Variants in OPCML observed in about 807,000 individuals in gnomAD.
OPCML encodes the protein opioid binding protein/cell adhesion molecule like.
In OPCML, 13 loss-of-function variants were observed where a neutral mutation model predicts 37.8. That is an observed-to-expected ratio of 0.34 (90% confidence interval 0.22 to 0.55). OPCML has a LOEUF of 0.55. Ranked by LOEUF, OPCML falls within the 20% of genes least tolerant of loss-of-function variation. The pLI, the probability that OPCML is intolerant of heterozygous loss-of-function variation, is 0.91. For synonymous variants in OPCML, 176 were observed against 168.8 expected, an observed-to-expected ratio of 1.04 and a Z score of -0.33; for missense variants, 341 against 435.6, an observed-to-expected ratio of 0.78 and a Z score of 1.93.
chr11:132,829,236 T>C (rs1940543212), intron 2 of OPCML, among the ~76,000 whole-genome samples: 1 of 152,224 alleles, frequency 6.6e-6, no homozygotes, highest in Non-Finnish European at 1.5e-5. Context: ...CGTACTGTGC[T>C]AACTCAAACG....
chr11:132,658,894 G>A (rs1941829524), intron 2 of OPCML, among the ~76,000 whole-genome samples: 1 of 152,126 alleles, frequency 6.6e-6, no homozygotes, highest in South Asian at 2.1e-4. Flanking sequence ...AGCTTGTGCT[G>A]ATTTGCTTTC....
At chr11:133,387,431 A>T (rs1484988805) in intron 1 of OPCML, among the ~76,000 whole-genome samples, 1 of 152,128 alleles carries the variant, frequency 6.6e-6, no homozygotes, top group East Asian at 1.9e-4. Context: ...GCACACAAAG[A>T]TCTCCCTGGA....
At chr11:132,680,927 C>G (rs1384474971) in intron 2 of OPCML, among the ~76,000 whole-genome samples, 1 of 152,212 alleles carries the variant, frequency 6.6e-6, no homozygotes, top group Non-Finnish European at 1.5e-5. Flanking sequence ...CATCTTTTCT[C>G]AGGCAAGCAT....
chr11:133,325,405 T>C (rs1046199065), intron 1 of OPCML, among the ~76,000 whole-genome samples: 4 of 152,192 alleles, frequency 2.6e-5, no homozygotes, highest in Non-Finnish European at 5.9e-5. Flanking sequence ...GCTTGTTAAC[T>C]TCAACTAGCA....
At chr11:133,001,259 C>T (rs922781202) in intron 1 of OPCML, among the ~76,000 whole-genome samples, 4 of 152,076 alleles carry the variant, frequency 2.6e-5, no homozygotes, top group African/African-American at 9.7e-5. Context: ...GTTTACTACC[C>T]ACATGCCTAC....
chr11:133,319,332 C>T (rs2136616658), intron 1 of OPCML, among the ~76,000 whole-genome samples: 1 of 152,296 alleles, frequency 6.6e-6, no homozygotes, highest in East Asian at 1.9e-4. Flanking sequence ...AGTACTGCCT[C>T]TGAACTGACC....
At chr11:132,502,135 G>T (rs145412624) in intron 4 of OPCML, among the ~76,000 whole-genome samples, 1 of 152,216 alleles carries the variant, frequency 6.6e-6, no homozygotes, top group East Asian at 1.9e-4. Context: ...TTTCCCAGAG[G>T]ATCTGTCACC....
chr11:132,578,711 A>G (rs570590368), intron 3 of OPCML, among the ~76,000 whole-genome samples: 1 of 152,362 alleles, frequency 6.6e-6, no homozygotes, highest in South Asian at 2.1e-4. Context: ...AGAAAACAAC[A>G]GTGCTCATCT....
At chr11:133,493,552 C>A (rs1947712818) in intron 1 of OPCML, among the ~76,000 whole-genome samples, 1 of 151,938 alleles carries the variant, frequency 6.6e-6, no homozygotes, top group Non-Finnish European at 1.5e-5. Context: ...TTCTTAATAA[C>A]CATTATTCCA....
intron 1 of OPCML, among the ~76,000 whole-genome samples, chr11:133,398,538 C>T (rs536510201): frequency 3.4e-4 from 51 of 152,112 alleles, no homozygotes; most frequent in Non-Finnish European, 6.0e-4. Flanking sequence ...AAAGACTTTT[C>T]GCTAATATTG....
intron 1 of OPCML, among the ~76,000 whole-genome samples, chr11:132,962,716 C>T (rs1211769095): frequency 6.6e-6 from 1 of 152,204 alleles, no homozygotes; most frequent in Admixed American, 6.5e-5. Flanking sequence ...GAGCCCTCCT[C>T]TGGGAAAGAA....
chr11:133,364,742 C>A (rs534146272), intron 1 of OPCML, among the ~76,000 whole-genome samples: 1 of 152,122 alleles, frequency 6.6e-6, no homozygotes, highest in Non-Finnish European at 1.5e-5. Flanking sequence ...TCTTAGAATA[C>A]TGCCTGGCAC....
chr11:132,550,458 G>A (rs548436718), intron 3 of OPCML, among the ~76,000 whole-genome samples: 3 of 152,284 alleles, frequency 2.0e-5, no homozygotes, highest in Non-Finnish European at 4.4e-5. Flanking sequence ...GCCACGTGAA[G>A]TGCTCGGGCT....
At chr11:132,436,621 T>G in intron 6 of OPCML, 38 bp downstream of exon 6, 9 of 1,608,126 alleles carry the variant, frequency 5.6e-6, no homozygotes, top group Non-Finnish European at 7.7e-6. Context: ...GACCATCAGC[T>G]CTGCTTCAGA....
At chr11:132,630,560 A>G (rs1940038910) in intron 3 of OPCML, among the ~76,000 whole-genome samples, 1 of 151,948 alleles carries the variant, frequency 6.6e-6, no homozygotes, top group Non-Finnish European at 1.5e-5. Flanking sequence ...GTCTTCTCAT[A>G]GTTGAGAGCA....
chr11:132,995,688 A>G (rs1296984061), intron 1 of OPCML, among the ~76,000 whole-genome samples: 1 of 152,168 alleles, frequency 6.6e-6, no homozygotes, highest in African/African-American at 2.4e-5. Flanking sequence ...CTTGGTCCCA[A>G]TGTCAGCAGG....
At chr11:132,572,796 G>A (rs184151844) in intron 3 of OPCML, among the ~76,000 whole-genome samples, 2 of 151,962 alleles carry the variant, frequency 1.3e-5, no homozygotes, top group African/African-American at 4.8e-5. Context: ...AAAAGTCTCT[G>A]ATATTTTGAT....
intron 2 of OPCML, among the ~76,000 whole-genome samples, chr11:132,822,530 A>G (rs1030250363): frequency 4.0e-5 from 6 of 151,716 alleles, no homozygotes; most frequent in Non-Finnish European, 5.9e-5. Context: ...GTGTGCGCGC[A>G]CACACTCATG....
At position 132,972,531 on chromosome 11, in the gene OPCML, G is replaced by A. The variant is rs78480998; in HGVS notation, c.62-29521C>T. ...TCATTTTCTGGTGCTGCATCTCTTCGTGTGCGTTTTTATTAAAGCCATCGT... is the reference window on the plus strand; with the variant it reads ...TCATTTTCTGGTGCTGCATCTCTTCATGTGCGTTTTTATTAAAGCCATCGT... On this transcript the variant is annotated intron_variant, in intron 1 of 7. Coordinates refer to ENST00000524381, the MANE Select transcript of OPCML (RefSeq NM_001012393.5). 3.1e-4 allele frequency among the ~76,000 whole-genome samples: 47 copies of A among 152,290 alleles called. No individual in the cohort carries two copies. The East Asian group carries it at 6.9e-3, about 23-fold the overall frequency.
Sources: gnomAD v4.1 joint callset for allele counts (sites outside exome capture counted in the v4.1 genomes callset) on GRCh38, gnomAD v4.1.1 for gene constraint, MANE v1.5 for transcripts, NCBI Gene and HGNC (gene_info 2026-07-23, HGNC 2026-07-21) for gene names.